PSG5: variants seen among roughly 807,000 people sequenced by gnomAD.
The protein encoded by PSG5 is pregnancy-specific beta-1-glycoprotein 5.
PSG5 carries 53 observed loss-of-function variants against 37.7 expected under a neutral mutation model. The ratio of observed to expected loss-of-function variants is 1.41; its 90% CI spans 1.13 to 1.77. The LOEUF (loss-of-function observed/expected upper bound fraction) is 1.77, where lower values mean the gene tolerates loss of function less well. PSG5 is among the 40% of genes most tolerant of loss of function. The pLI, the probability that PSG5 is intolerant of heterozygous loss-of-function variation, is 0.00. For missense variants in PSG5, 547 were observed against 405.2 expected (o/e 1.35, Z -3.00); for synonymous variants, 221 against 155.4 (o/e 1.42, Z -3.14).
chr19:43,177,274 G>A (rs940440029), intron 2 of PSG5, among the ~76,000 whole-genome samples: 1 of 151,424 alleles, frequency 6.6e-6, no homozygotes, highest in African/African-American at 2.4e-5. Flanking sequence ...ATTGGCTGTC[G>A]AGCTTGATAC....
chr19:43,174,037 A>G (rs1480306853), intron 4 of PSG5: 3 of 151,830 alleles, frequency 2.0e-5, no homozygotes, highest in Non-Finnish European at 4.4e-5. Context: ...AACCTTAACA[A>G]GGAATAAAAT....
Position 43,175,483 on chromosome 19 carries a change from A to T in PSG5, c.710-14T>A. The stretch of plus-strand genomic sequence containing the variant: ...GGTCTGGACCATCTGGAGCAAAGAG[A>T]ATGAAGCCACAGGTGATGTCATCCA... On this transcript the variant is annotated splice_polypyrimidine_tract_variant and intron_variant, in intron 3 of 5. Coordinates refer to ENST00000342951, the MANE Select transcript of PSG5 (RefSeq NM_002781.4). The T allele has an allele frequency of 3.1e-6, 5 of 1,596,762 alleles. No individual in the cohort carries two copies. Among genetic ancestry groups the T allele is most frequent in the Middle Eastern group, 3.4e-4 (2 of 5,950 alleles).
Position 43,175,947 on chromosome 19 carries a change from T to G in PSG5, c.632A>C (p.Glu211Ala). ...ILILPSVTRN[E>A]TGPYECEIRD... ...TATTTCACATTCATAGGGTCCTGTT[T>G]CATTTCTCGTGACACTGGGTAGAAT... Residue 211 changes from glutamate (E) to alanine (A), a missense_variant, in exon 3 of 6, where the codon GAA (glutamate) becomes GCA (alanine). Coordinates refer to ENST00000342951, the MANE Select transcript of PSG5 (RefSeq NM_002781.4). The G allele has an allele frequency of 6.2e-7, 1 of 1,612,388 alleles. No individual in the cohort carries two copies. Among genetic ancestry groups the G allele is most frequent in the South Asian group, 1.1e-5 (1 of 91,034 alleles).
At position 43,185,066 on chromosome 19, in the gene PSG5, T is replaced by C; in HGVS notation, c.146A>G (p.Lys49Arg). Reference sequence around the variant, plus strand: ...ATTGTGGACAAGTAGAAGAACATCCTTCCCCTCGGAAACTTTGGGTGGCAG... The same window carrying C: ...ATTGTGGACAAGTAGAAGAACATCCCTCCCCTCGGAAACTTTGGGTGGCAG... The part of the protein sequence containing the change: ...EALPPKVSEG[K>R]DVLLLVHNLP... Residue 49 changes from lysine (K) to arginine (R), a missense_variant, in exon 2 of 6, where the codon AAG becomes AGG. Transcript: ENST00000342951. 1 of 1,612,478 alleles carries C rather than the reference T, an allele frequency of 6.2e-7. No homozygotes were observed. Among genetic ancestry groups the C allele is most frequent in the Non-Finnish European group, 8.5e-7 (1 of 1,179,100 alleles).
At chr19:43,183,015 T>C (rs1446742180) in intron 2 of PSG5, among the ~76,000 whole-genome samples, 6 of 150,468 alleles carry the variant, frequency 4.0e-5, no homozygotes, top group African/African-American at 1.2e-4. Context: ...AGGGAGTGTC[T>C]GGGGAAGGCC....
At chr19:43,185,859 C>CCTGA (rs1555720098) in intron 1 of PSG5, among the ~76,000 whole-genome samples, 12 of 139,156 alleles carry the variant, frequency 8.6e-5, no homozygotes, top group South Asian at 2.4e-4. Flanking sequence ...TGTCGTGGCC[C>CCTGA]TCTTACCAAT....
chr19:43,185,121 G>C lies in PSG5; in HGVS notation c.91C>G (p.Pro31Ala). 1.2e-6 allele frequency: 2 copies of C among 1,609,122 alleles called. No homozygotes were observed. The highest frequency in any genetic ancestry group is 1.1e-5 in the South Asian group (1 of 90,592). ...TASLLNFWNL[P>A]ITAQVTIEAL... ...TCAATCGTGACTTGAGCAGTGATAGGCAGGTTCCAGAAGTTTAAAAGTGAT... is the reference window on the plus strand; with the variant it reads ...TCAATCGTGACTTGAGCAGTGATAGCCAGGTTCCAGAAGTTTAAAAGTGAT... The change falls in exon 2 of 6, where the codon CCT (proline) becomes GCT (alanine). Residue 31 changes from proline (P) to alanine (A), a missense_variant. Pro to Ala is a conservative substitution (Grantham distance 27, BLOSUM62 -1). Coordinates refer to ENST00000342951, the MANE Select transcript of PSG5 (RefSeq NM_002781.4).
At chr19:43,182,579 C>A (rs1266061491) in intron 2 of PSG5, among the ~76,000 whole-genome samples, 1 of 151,128 alleles carries the variant, frequency 6.6e-6, no homozygotes, top group Non-Finnish European at 1.5e-5. Context: ...CTGAAACTAT[C>A]CTTGAAAATC....
intron 2 of PSG5, chr19:43,183,469 G>C (rs182991481): frequency 3.8e-6 from 2 of 529,310 alleles, no homozygotes; most frequent in Non-Finnish European, 7.7e-6. Flanking sequence ...GCTGGAGCAG[G>C]GTCTGAGTGG....
intron 2 of PSG5, among the ~76,000 whole-genome samples, chr19:43,180,816 G>A (rs776462215): frequency 3.8e-4 from 57 of 149,882 alleles, no homozygotes; most frequent in Admixed American, 8.7e-4. Context: ...AGAGAGTCCC[G>A]TTAAAAGGAC....
intron 2 of PSG5, among the ~76,000 whole-genome samples, chr19:43,184,047 C>T (rs573137221): frequency 4.0e-5 from 6 of 151,818 alleles, no homozygotes; most frequent in Admixed American, 2.6e-4. Flanking sequence ...CGTCAGATCC[C>T]TGTGGACAAG....
intron 4 of PSG5, among the ~76,000 whole-genome samples, chr19:43,172,916 G>C (rs1183100571): frequency 6.6e-6 from 1 of 151,492 alleles, no homozygotes; most frequent in Non-Finnish European, 1.5e-5. Flanking sequence ...ACTCTAAATA[G>C]ACACATAGCT....
rs180860876 is a variant in PSG5 at position 43,184,790 on chromosome 19, T to G, written c.422A>C (p.Asn141Thr). The G allele has an allele frequency of 3.7e-5, 60 of 1,612,130 alleles. 1 individual carries two copies. In the Middle Eastern group the frequency reaches 6.6e-4, roughly 18 times the overall value. ...TRGVTGYFTF[N>T]LYLKLPKPYI... ...CATGTGGAATCACTCACGGTATAAG[T>G]TGAAGGTGAAATATCCAGTTACTCC... The change falls in exon 2 of 6, where the codon AAC becomes ACC. Residue 141 changes from asparagine (N) to threonine (T), a missense_variant. Physicochemically the swap from Asn to Thr is moderately conservative, Grantham distance 65. Coordinates refer to ENST00000342951, the MANE Select transcript of PSG5 (RefSeq NM_002781.4).
chr19:43,172,535 G>C lies in PSG5; in HGVS notation c.965-2397C>G, dbSNP rs542735322. Among the ~76,000 whole-genome samples the C allele has an allele frequency of 5.3e-5, 8 of 151,648 alleles. No individual in the cohort carries two copies. In the South Asian group the frequency reaches 1.7e-3, roughly 32 times the overall value. On this transcript the variant is annotated intron_variant, in intron 4 of 5. Coordinates refer to ENST00000342951, the MANE Select transcript of PSG5 (RefSeq NM_002781.4). ...TAAAATTAATAAATTCAGTAATGTT[G>C]CACAATACAAAATCAACATTCAAAC...
Position 43,181,274 on chromosome 19 carries a change from G to A in PSG5, c.430+3508C>T, listed in dbSNP as rs1969122402. Among the ~76,000 whole-genome samples the A allele has an allele frequency of 1.3e-5, 2 of 151,550 alleles. 1 individual carries two copies. The highest frequency in any genetic ancestry group is 4.9e-5 in the African/African-American group (2 of 41,096). Reference sequence around the variant, plus strand: ...TCCACAACTACAAAATTTAAAAATTGCTATTGCCAAAACAAAATATTAAAT... The same window carrying A: ...TCCACAACTACAAAATTTAAAAATTACTATTGCCAAAACAAAATATTAAAT... On this transcript the variant is annotated intron_variant, in intron 2 of 5. Coordinates refer to ENST00000342951, the MANE Select transcript of PSG5 (RefSeq NM_002781.4).
chr19:43,170,146 G>A lies in PSG5; in HGVS notation c.965-8C>T. 3.2e-6 allele frequency: 5 copies of A among 1,577,936 alleles called. No individual in the cohort carries two copies. Among genetic ancestry groups the A allele is most frequent in the Non-Finnish European group, 4.3e-6 (5 of 1,153,106 alleles). On this transcript the variant is annotated splice_polypyrimidine_tract_variant and splice_region_variant and intron_variant, in intron 4 of 5. Coordinates refer to ENST00000342951, the MANE Select transcript of PSG5 (RefSeq NM_002781.4). ...GTCCTATTCCTGAAGGAGCTGTCAT[G>A]GAAAGAAAAGTAAAGAAGGAATGAA...
At chr19:43,172,292 C>G (rs565349590) in intron 4 of PSG5, among the ~76,000 whole-genome samples, 1 of 151,544 alleles carries the variant, frequency 6.6e-6, no homozygotes, top group Non-Finnish European at 1.5e-5. Context: ...TCATACTCAA[C>G]GGAGAAAGAC....
intron 2 of PSG5, among the ~76,000 whole-genome samples, chr19:43,182,705 A>ATTTTTTTTTTTTTTTT (rs534568803): frequency 3.4e-4 from 20 of 58,460 alleles, no homozygotes; most frequent in East Asian, 1.2e-3. Flanking sequence ...CATTTCAATA[A>ATTTTTTTTTTTTTTTT]TTTTTTTTTT....
rs1233890362 is a variant in PSG5, at chr19:43,176,684, C to A, written c.431-536G>T. Reference sequence around the variant, plus strand: ...TTCAGCAGAAATAACACAGGAGAGACCAGAGTCAAGCCTGGAGGTCAGTTC... The same window carrying A: ...TTCAGCAGAAATAACACAGGAGAGAACAGAGTCAAGCCTGGAGGTCAGTTC... On this transcript the variant is annotated intron_variant, in intron 2 of 5. Coordinates refer to ENST00000342951, the MANE Select transcript of PSG5 (RefSeq NM_002781.4). Among the ~76,000 whole-genome samples the A allele has an allele frequency of 3.3e-5, 5 of 150,656 alleles. No homozygotes were observed. The Admixed American group carries it at 3.3e-4, about 10-fold the overall frequency.
Sources: allele counts gnomAD v4.1 joint callset (sites outside exome capture counted in the v4.1 genomes callset), GRCh38; gene constraint gnomAD v4.1.1; transcripts MANE v1.5; gene names NCBI Gene and HGNC (gene_info 2026-07-23, HGNC 2026-07-21).